The following AMZ1 variants were observed in gnomAD, a reference collection of about 807,000 sequenced individuals.
AMZ1 encodes the protein archaemetzincin-1.
A neutral mutation model predicts 29.9 loss-of-function variants in AMZ1; 39 were observed. The observed-to-expected ratio is 1.30, with a 90% CI of 1.01 to 1.70. The LOEUF is 1.70. Among genes scored for constraint, AMZ1 ranks in the 40% most tolerant of loss-of-function variants. The probability of loss-of-function intolerance (pLI) is 0.00; values close to 1 mark genes in which losing one functional copy is unlikely to be tolerated. For synonymous variants in AMZ1, 458 were observed against 304.0 expected, an observed-to-expected ratio of 1.51 and a Z score of -5.27; for missense variants, 1,041 against 680.6, an observed-to-expected ratio of 1.53 and a Z score of -5.89.
upstream of AMZ1, among the ~76,000 whole-genome samples, chr7:2,687,066 C>T (rs148553645): frequency 0.015 from 2,255 of 151,874 alleles, 62 homozygotes; most frequent in African/African-American, 0.052. Flanking sequence ...TGGTGGCTCA[C>T]GCCTGTACTC....
intron 2 of AMZ1, 127 bp from the exon 3 acceptor site, chr7:2,702,595 T>C: frequency 1.8e-6 from 2 of 1,086,610 alleles, no homozygotes; most frequent in Non-Finnish European, 2.5e-6. Context: ...GACGCTCTGC[T>C]TGCTGTCAGG....
intron 2 of AMZ1, among the ~76,000 whole-genome samples, chr7:2,701,326 T>C (rs1053504272): frequency 3.3e-5 from 5 of 152,156 alleles, no homozygotes; most frequent in Non-Finnish European, 5.9e-5. Flanking sequence ...CCTTGACCTG[T>C]GTGACTGGCA....
intron 4 of AMZ1, among the ~76,000 whole-genome samples, chr7:2,732,496 C>G (rs114233720): frequency 6.6e-6 from 1 of 152,084 alleles, no homozygotes; most frequent in African/African-American, 2.4e-5. Context: ...CAATGAGTTA[C>G]GATCGTGCCA....
Position 2,712,879 on chromosome 7 carries a change from T to C in AMZ1, c.*1T>C. Reference sequence around the variant, plus strand: ...TCCCTGGGATGGGGAAGAGAGTTAGTACAGCAGGGGCTGCCCTACGTCTCC... The same window carrying C: ...TCCCTGGGATGGGGAAGAGAGTTAGCACAGCAGGGGCTGCCCTACGTCTCC... On this transcript the variant is annotated 3_prime_UTR_variant, in exon 7 of 7. Coordinates refer to ENST00000683327, the MANE Select transcript of AMZ1 (RefSeq NM_001384743.1). 3 of 1,515,992 alleles carry C rather than the reference T, an allele frequency of 2.0e-6. No individual in the cohort carries two copies. Among genetic ancestry groups the C allele is most frequent in the Non-Finnish European group, 1.8e-6 (2 of 1,132,144 alleles). The allele number at this position is 1,515,992 out of a possible 1,614,324, so 93.9% of individuals were successfully genotyped here.
intron 1 of AMZ1, among the ~76,000 whole-genome samples, chr7:2,689,418 G>T (rs1787255744): frequency 6.6e-6 from 1 of 151,730 alleles, no homozygotes; most frequent in Admixed American, 6.6e-5. Context: ...GACAAAAAAA[G>T]GCAAGGGGAG....
intron 3 of AMZ1, among the ~76,000 whole-genome samples, chr7:2,705,171 C>A (rs2115132612): frequency 6.6e-6 from 1 of 152,344 alleles, no homozygotes; most frequent in East Asian, 1.9e-4. Context: ...AGAGGATTTT[C>A]TTTTCCTTCT....
upstream of AMZ1, among the ~76,000 whole-genome samples, chr7:2,761,996 A>G (rs1405917961): frequency 6.6e-6 from 1 of 152,160 alleles, no homozygotes; most frequent in Non-Finnish European, 1.5e-5. Flanking sequence ...AACCTCACCG[A>G]GGCCTCCCAG....
At chr7:2,701,066 C>A (rs73281172) in intron 2 of AMZ1, among the ~76,000 whole-genome samples, 2 of 152,146 alleles carry the variant, frequency 1.3e-5, no homozygotes, top group African/African-American at 4.8e-5. Context: ...CACTGTGCTG[C>A]GGGCTGTATA....
At position 2,712,381 on chromosome 7, in the gene AMZ1, G is replaced by C; in HGVS notation, c.1000G>C (p.Ala334Pro). ...AVVGTWPSQE[A>P]GEPSVWEDTP... The stretch of plus-strand genomic sequence containing the variant: ...GGTGGGGACGTGGCCCAGCCAGGAG[G>C]CGGGGGAGCCGTCAGTGTGGGAGGA... Residue 334 changes from alanine to proline, a missense_variant, in exon 7 of 7, where the codon GCG becomes CCG. Physicochemically the swap from Ala to Pro is conservative, Grantham distance 27. Coordinates refer to ENST00000683327, the MANE Select transcript of AMZ1 (RefSeq NM_001384743.1). 1.9e-6 allele frequency: 3 copies of C among 1,607,828 alleles called. No homozygotes were observed. The highest frequency in any genetic ancestry group is 2.5e-6 in the Non-Finnish European group (3 of 1,177,270).
At chr7:2,752,989 A>C (rs985299820) in intron 4 of AMZ1, among the ~76,000 whole-genome samples, 1 of 152,188 alleles carries the variant, frequency 6.6e-6, no homozygotes, top group African/African-American at 2.4e-5. Context: ...CCCTCGTGCT[A>C]CCAATTTATA....
At chr7:2,693,678 C>T (rs1787540252) in intron 1 of AMZ1, among the ~76,000 whole-genome samples, 1 of 152,154 alleles carries the variant, frequency 6.6e-6, no homozygotes, top group African/African-American at 2.4e-5. Flanking sequence ...GCCTCAGCCT[C>T]CAGAGTAGCT....
chr7:2,693,662 TCTCCAGCCTCAGC>T (rs1583147115), intron 1 of AMZ1, among the ~76,000 whole-genome samples: 2 of 152,224 alleles, frequency 1.3e-5, no homozygotes, highest in African/African-American at 4.8e-5. Flanking sequence ...TTCACTCCAT[TCTCCAGCCTCAGC>T]CTCCAGAGTA....
intron 1 of AMZ1, among the ~76,000 whole-genome samples, chr7:2,694,814 A>G (rs1317011402): frequency 6.6e-6 from 1 of 151,966 alleles, no homozygotes; most frequent in South Asian, 2.1e-4. Context: ...CTGGGATTAC[A>G]GGCATGTGCC....
chr7:2,685,017 C>T (rs1226781970), upstream of AMZ1, among the ~76,000 whole-genome samples: 1 of 151,774 alleles, frequency 6.6e-6, no homozygotes, highest in Non-Finnish European at 1.5e-5. Context: ...CTACAGGCGC[C>T]CGCCACCACG....
intron 3 of AMZ1, among the ~76,000 whole-genome samples, chr7:2,708,329 G>T (rs1212500798): frequency 6.6e-6 from 1 of 152,190 alleles, no homozygotes; most frequent in African/African-American, 2.4e-5. Context: ...TGTTGGCCCG[G>T]CTGCCTCTCC....
intron 4 of AMZ1, among the ~76,000 whole-genome samples, chr7:2,746,849 C>T (rs1157680521): frequency 7.2e-5 from 11 of 152,162 alleles, no homozygotes; most frequent in African/African-American, 2.4e-4. Context: ...CATCACCAAT[C>T]CCACAGAAAT....
intron 2 of AMZ1, 41 bp downstream of exon 2, chr7:2,700,796 C>T: frequency 6.3e-7 from 1 of 1,596,224 alleles, no homozygotes; most frequent in Non-Finnish European, 8.5e-7. Flanking sequence ...CCTGGGGGAC[C>T]AGCTTATATA....
In AMZ1 at chr7:2,716,720, C is replaced by T. The variant is rs2115218761; in HGVS notation, c.*3842C>T. Reference sequence around the variant, plus strand: ...ACCGGCTGCCCTGCCCAAGGCCCACCTGGACAGGCAAGTCTTCCCTAGTGG... The same window carrying T: ...ACCGGCTGCCCTGCCCAAGGCCCACTTGGACAGGCAAGTCTTCCCTAGTGG... On this transcript the variant is annotated 3_prime_UTR_variant, in exon 7 of 7. Coordinates refer to ENST00000683327, the MANE Select transcript of AMZ1 (RefSeq NM_001384743.1). Among the ~76,000 whole-genome samples the T allele has an allele frequency of 6.6e-6, 1 of 152,362 alleles. No individual in the cohort carries two copies. The highest frequency in any genetic ancestry group is 2.1e-4 in the South Asian group (1 of 4,832).
chr7:2,696,429 T>C (rs1283336867), intron 1 of AMZ1, among the ~76,000 whole-genome samples: 1 of 151,104 alleles, frequency 6.6e-6, no homozygotes, highest in Non-Finnish European at 1.5e-5. Flanking sequence ...GCTAATTTTT[T>C]TGTATTTTTA....
Sources: allele counts gnomAD v4.1 joint callset (sites outside exome capture counted in the v4.1 genomes callset), GRCh38; gene constraint gnomAD v4.1.1; transcripts MANE v1.5; gene names NCBI Gene and HGNC (gene_info 2026-07-23, HGNC 2026-07-21).